The following SMOC2 variants were observed in gnomAD, a reference collection of about 807,000 sequenced individuals.
The protein encoded by SMOC2 is SPARC related modular calcium binding 2.
SMOC2 carries 39 observed loss-of-function variants against 61.4 expected under a neutral mutation model. That is an observed-to-expected ratio of 0.64 (90% CI 0.49 to 0.83). The LOEUF (loss-of-function observed/expected upper bound fraction) is 0.83, where lower values mean the gene tolerates loss of function less well. Among genes scored for constraint, SMOC2 ranks in the 40% least tolerant of loss-of-function variants. The probability of loss-of-function intolerance (pLI) is 0.00; values close to 1 mark genes in which losing one functional copy is unlikely to be tolerated. For missense variants in SMOC2, 556 were observed against 592.9 expected (o/e 0.94, Z 0.65); for synonymous variants, 247 against 239.9 (o/e 1.03, Z -0.27).
In SMOC2 at chr6:168,452,837, G is replaced by A. The variant is rs73791025; in HGVS notation, c.84+11383G>A. Among the ~76,000 whole-genome samples the A allele has an allele frequency of 2.6e-5, 4 of 152,162 alleles. No individual in the cohort carries two copies. The highest frequency in any genetic ancestry group is 2.6e-4 in the Admixed American group (4 of 15,288). ...AAGGCAGCAGGAAGGAGGGCAGCCC[G>A]CCAGGCCGAGGCTTTTGTCCTGCTC... On this transcript the variant is annotated intron_variant, in intron 1 of 12. Coordinates refer to ENST00000356284, the MANE Select transcript of SMOC2 (RefSeq NM_001166412.2). This position sits in a 1 kb window ranked among gnomAD's most constrained non-coding sequence, Gnocchi z 5.0.
intron 2 of SMOC2, among the ~76,000 whole-genome samples, chr6:168,515,611 C>G (rs5026837): frequency 0.88 from 134,198 of 151,772 alleles, 60,200 homozygotes; most frequent in East Asian, 1. Flanking sequence ...TTGCCCTGAG[C>G]GGCCGGCTCC....
chr6:168,558,895 ATG>A (rs1160865781), intron 7 of SMOC2, among the ~76,000 whole-genome samples: 11 of 150,848 alleles, frequency 7.3e-5, no homozygotes, highest in East Asian at 3.9e-4. Flanking sequence ...GTGCGTGTGC[ATG>A]TGTGTGCACG....
At position 168,460,198 on chromosome 6, in the gene SMOC2, T is replaced by C. The variant is rs192708435; in HGVS notation, c.84+18744T>C. Among the ~76,000 whole-genome samples, 28 of 152,296 alleles carry C rather than the reference T, an allele frequency of 1.8e-4. No homozygotes were observed. The East Asian group carries it at 5.0e-3, about 27-fold the overall frequency. On this transcript the variant is annotated intron_variant, in intron 1 of 12. Transcript: ENST00000356284. ...CACACTTAAGACCTATGTATTTAAA[T>C]GACCTCAAAACTCCTCAAATGAAAT...
chr6:168,455,250 G>T (rs1425574250), intron 1 of SMOC2, among the ~76,000 whole-genome samples: 2 of 152,160 alleles, frequency 1.3e-5, no homozygotes, highest in Non-Finnish European at 1.5e-5. Flanking sequence ...GCCGACTTGG[G>T]GTCTGGTCTA....
chr6:168,493,353 T>A (rs768645111), intron 1 of SMOC2, among the ~76,000 whole-genome samples: 65 of 152,184 alleles, frequency 4.3e-4, no homozygotes, highest in Non-Finnish European at 7.4e-4. Context: ...GTGATTTAGT[T>A]AAAGAACTGA....
Position 168,441,674 on chromosome 6 carries a change from C to T in SMOC2, c.84+220C>T, listed in dbSNP as rs113396727. Among the ~76,000 whole-genome samples, 627 of 152,240 alleles carry T rather than the reference C, an allele frequency of 4.1e-3. 7 individuals are homozygous for T. Among genetic ancestry groups the T allele is most frequent in the African/African-American group, 0.014 (587 of 41,568 alleles). On this transcript the variant is annotated intron_variant, in intron 1 of 12. Coordinates refer to ENST00000356284, the MANE Select transcript of SMOC2 (RefSeq NM_001166412.2). The stretch of plus-strand genomic sequence containing the variant: ...GGGATGGGCTTCTGGGGACCCTGCC[C>T]GCCGGGGTCCTGCTGCGGCTGCGAC...
intron 9 of SMOC2, among the ~76,000 whole-genome samples, chr6:168,640,171 CTTGGTGTTGGTGTTGGTG>C (rs60395429): frequency 0.046 from 6,868 of 150,310 alleles, 507 homozygotes; most frequent in African/African-American, 0.16. Context: ...AGCACACGGT[CTTGGTGTTGGTGTTGGTG>C]TTGGTGTTGG....
intron 2 of SMOC2, 47 bp from the exon 3 acceptor site, chr6:168,526,299 C>G (rs775604259): frequency 6.6e-7 from 1 of 1,523,252 alleles, no homozygotes; most frequent in Non-Finnish European, 9.1e-7. Flanking sequence ...TCTGTTCTAT[C>G]TTCTTCCCAT....
rs548689222 is a variant in SMOC2, at chr6:168,488,137, G to A, written c.85-21778G>A. 1.3e-4 allele frequency among the ~76,000 whole-genome samples: 20 copies of A among 152,306 alleles called. No homozygotes were observed. The South Asian group carries it at 4.1e-3, about 32-fold the overall frequency. ...AAACTTATGCTTTCCCAGTTCAGGA[G>A]GCCAGCAGTCCAAAATCTGGGTGAT... On this transcript the variant is annotated intron_variant, in intron 1 of 12. Coordinates refer to ENST00000356284, the MANE Select transcript of SMOC2 (RefSeq NM_001166412.2).
At chr6:168,516,329 G>C (rs939355128) in intron 2 of SMOC2, among the ~76,000 whole-genome samples, 4 of 151,448 alleles carry the variant, frequency 2.6e-5, no homozygotes, top group Admixed American at 6.6e-5. Context: ...GAGACTTTTA[G>C]GGCTGTCTTT....
At chr6:168,518,912 A>C (rs1319555701) in intron 2 of SMOC2, among the ~76,000 whole-genome samples, 1 of 148,076 alleles carries the variant, frequency 6.8e-6, no homozygotes, top group Non-Finnish European at 1.5e-5. Context: ...TGCATGTGTG[A>C]GTGAGCATGA....
At chr6:168,573,097 C>T (rs1253503730) in intron 7 of SMOC2, among the ~76,000 whole-genome samples, 14 of 46,392 alleles carry the variant, frequency 3.0e-4, no homozygotes, top group African/African-American at 4.3e-4. Context: ...GGACGCGATG[C>T]TCATTTCCTT....
intron 7 of SMOC2, among the ~76,000 whole-genome samples, chr6:168,558,931 G>A (rs572528451): frequency 8.5e-5 from 13 of 152,156 alleles, no homozygotes; most frequent in Middle Eastern, 3.4e-3. Flanking sequence ...TTGTGCGCAC[G>A]TGTGTGCGTG....
intron 7 of SMOC2, among the ~76,000 whole-genome samples, chr6:168,559,212 T>C (rs1483185365): frequency 2.0e-5 from 3 of 152,102 alleles, no homozygotes; most frequent in African/African-American, 7.2e-5. Context: ...TCCCAGCACT[T>C]TGGGAGGCCA....
intron 1 of SMOC2, among the ~76,000 whole-genome samples, chr6:168,465,207 T>G (rs1459174047): frequency 6.6e-6 from 1 of 152,384 alleles, no homozygotes; most frequent in South Asian, 2.1e-4. Context: ...TCTTTGTTTT[T>G]GTTTCTATAT....
intron 2 of SMOC2, among the ~76,000 whole-genome samples, chr6:168,512,123 A>T (rs1218036922): frequency 6.6e-6 from 1 of 152,116 alleles, no homozygotes; most frequent in Non-Finnish European, 1.5e-5. Context: ...GCCCACTCAG[A>T]GGGTCCTCTG....
Position 168,475,615 on chromosome 6 carries a change from G to C in SMOC2, c.84+34161G>C, listed in dbSNP as rs904584489. On this transcript the variant is annotated intron_variant, in intron 1 of 12. Coordinates refer to ENST00000356284, the MANE Select transcript of SMOC2 (RefSeq NM_001166412.2). This position sits in a 1 kb window ranked among gnomAD's most constrained non-coding sequence, Gnocchi z 4.6. ...GGAAGGCAGTGTCAGGACTGAGACA[G>C]GAGGGTGAGTCCAGAGCGGGGACAG... Among the ~76,000 whole-genome samples, 25 of 152,156 alleles carry C rather than the reference G, an allele frequency of 1.6e-4. No homozygotes were observed. Among genetic ancestry groups the C allele is most frequent in the African/African-American group, 5.5e-4 (23 of 41,454 alleles).
At chr6:168,634,264 GA>G (rs1786653443) in intron 9 of SMOC2, among the ~76,000 whole-genome samples, 3 of 152,234 alleles carry the variant, frequency 2.0e-5, no homozygotes, top group Admixed American at 2.0e-4. Context: ...TACTCATTAG[GA>G]AAAAAGAATG....
In SMOC2 at chr6:168,664,839, A is replaced by C. The variant is rs540619776; in HGVS notation, c.1323+728A>C. 33 of 470,198 alleles carry C rather than the reference A, an allele frequency of 7.0e-5. No homozygotes were observed. The East Asian group carries it at 1.7e-3, about 25-fold the overall frequency. The allele number at this position is 470,198 out of a possible 1,614,324, so 29.1% of individuals were successfully genotyped here. A position where few individuals can be genotyped will look rare whatever the true frequency, so the allele number is the denominator to read the frequency against. On this transcript the variant is annotated intron_variant, in intron 12 of 12. Coordinates refer to ENST00000356284, the MANE Select transcript of SMOC2 (RefSeq NM_001166412.2). ...GTGGGTTCATGTCTCTCTCCTTCAAAGCCAGGACAAAATCCCCACTTCTTT... is the reference window on the plus strand; with the variant it reads ...GTGGGTTCATGTCTCTCTCCTTCAACGCCAGGACAAAATCCCCACTTCTTT...
Sources: gnomAD v4.1 joint callset for allele counts (sites outside exome capture counted in the v4.1 genomes callset) on GRCh38, gnomAD v4.1.1 for gene constraint, Gnocchi (gnomAD v3.1) non-coding constraint, MANE v1.5 for transcripts, NCBI Gene and HGNC (gene_info 2026-07-23, HGNC 2026-07-21) for gene names.